THRAP3: variants seen among roughly 807,000 people sequenced by gnomAD.
THRAP3 encodes thyroid hormone receptor-associated protein 3.
In THRAP3, 16 loss-of-function variants were observed where a neutral mutation model predicts 101.0. The observed-to-expected ratio is 0.16, with a 90% CI of 0.11 to 0.24. THRAP3 has a LOEUF of 0.24. Ranked by LOEUF, THRAP3 falls within the 10% of genes least tolerant of loss-of-function variation. The probability of loss-of-function intolerance (pLI) is 1.00; values close to 1 mark genes in which losing one functional copy is unlikely to be tolerated. For missense variants in THRAP3, 989 were observed against 1,202.7 expected, an observed-to-expected ratio of 0.82 and a Z score of 2.63; for synonymous variants, 407 against 422.6, an observed-to-expected ratio of 0.96 and a Z score of 0.45.
At chr1:36,214,207 T>TC in the THRAP3 span, among the ~76,000 whole-genome samples, 1 of 152,198 alleles carries the variant, frequency 6.6e-6, no homozygotes, top group African/African-American at 2.4e-5. Context: ...GAGTTGGCTC[T>TC]CCGTAGGTGG....
At chr1:36,291,812 G>A (rs897066219) in intron 6 of THRAP3, among the ~76,000 whole-genome samples, 16 of 152,318 alleles carry the variant, frequency 1.1e-4, no homozygotes, top group African/African-American at 3.6e-4. Flanking sequence ...AAACTGAGAA[G>A]CCAATAGCAA....
At chr1:36,271,542 A>G (rs1645591541) in intron 2 of THRAP3, among the ~76,000 whole-genome samples, 1 of 150,066 alleles carries the variant, frequency 6.7e-6, no homozygotes, top group Non-Finnish European at 1.5e-5. Context: ...TGGCTTCCCA[A>G]AGTGCTGGGA....
intron 1 of THRAP3, among the ~76,000 whole-genome samples, chr1:36,236,096 A>T (rs1000371081): frequency 5.3e-5 from 8 of 151,798 alleles, no homozygotes; most frequent in Non-Finnish European, 7.4e-5. Context: ...AAAATAAAAA[A>T]AAAAAATTAG....
Position 36,293,760 on chromosome 1 carries a change from G to T in THRAP3, c.2031-91G>T, listed in dbSNP as rs1570343076. On this transcript the variant is annotated intron_variant, in intron 7 of 11. Transcript: ENST00000354618. ...TGAAACGTAAGGAAAAATAATGCCT[G>T]TGAATCTATTAGCCAACTTAAGAGC... The T allele has an allele frequency of 3.1e-5, 34 of 1,105,112 alleles. No individual in the cohort carries two copies. The South Asian group carries it at 4.3e-4, about 14-fold the overall frequency. The allele number at this position is 1,105,112 out of a possible 1,614,324, so 68.5% of individuals were successfully genotyped here.
intron 2 of THRAP3, among the ~76,000 whole-genome samples, chr1:36,273,327 C>T (rs1645613927): frequency 6.6e-6 from 1 of 152,170 alleles, no homozygotes; most frequent in South Asian, 2.1e-4. Flanking sequence ...GAACTTTTCC[C>T]ATTCTTTTAA....
intron 1 of THRAP3, among the ~76,000 whole-genome samples, chr1:36,245,700 G>T (rs1645222198): frequency 6.6e-6 from 1 of 152,056 alleles, no homozygotes. Context: ...TTTTTACTTG[G>T]CATTTGAGGC....
At position 36,226,548 on chromosome 1, in the gene THRAP3, C is replaced by T. The variant is rs113680396; in HGVS notation, c.-135+2043C>T. On this transcript the variant is annotated intron_variant, in intron 1 of 11. Coordinates refer to ENST00000354618, the MANE Select transcript of THRAP3 (RefSeq NM_005119.4). Reference sequence around the variant, plus strand: ...TGCTGGGATTACAGGCGTAAGCCACCGCGCCCGGCCACGATTTATTATTTT... The same window carrying T: ...TGCTGGGATTACAGGCGTAAGCCACTGCGCCCGGCCACGATTTATTATTTT... Among the ~76,000 whole-genome samples, 555 of 152,224 alleles carry T rather than the reference C, an allele frequency of 3.6e-3. 2 individuals carry two copies. Among genetic ancestry groups the T allele is most frequent in the Non-Finnish European group, 4.3e-3 (293 of 68,020 alleles).
chr1:36,219,720 G>A (rs1644893730), upstream of THRAP3, among the ~76,000 whole-genome samples: 1 of 151,874 alleles, frequency 6.6e-6, no homozygotes, highest in Non-Finnish European at 1.5e-5. Flanking sequence ...GTGAGCCTCC[G>A]TGCCCGGCCC....
chr1:36,261,573 G>T (rs1645446399), intron 2 of THRAP3, among the ~76,000 whole-genome samples: 1 of 152,022 alleles, frequency 6.6e-6, no homozygotes. Context: ...AGCCATTTCT[G>T]TAAGCAGTTC....
At chr1:36,275,586 CA>C (rs754150358) in intron 2 of THRAP3, among the ~76,000 whole-genome samples, 18 of 13,812 alleles carry the variant, frequency 1.3e-3, no homozygotes, top group African/African-American at 3.1e-3. Flanking sequence ...GACTCTGTCT[CA>C]AAAAAAAAAA....
chr1:36,220,972 A>AAAAAAAT (rs1285765741), upstream of THRAP3, among the ~76,000 whole-genome samples: 43 of 94,122 alleles, frequency 4.6e-4, no homozygotes, highest in African/African-American at 1.4e-3. Context: ...AAAAAAAAAA[A>AAAAAAAT]ATATATATAT....
At chr1:36,222,571 T>A (rs187990557), upstream of THRAP3, among the ~76,000 whole-genome samples, 110 of 152,100 alleles carry the variant, frequency 7.2e-4, 1 homozygote, top group East Asian at 0.013. Flanking sequence ...CACGCCCGGC[T>A]AATCTGTAGT....
At chr1:36,285,165 T>C (rs1645779567) in intron 3 of THRAP3, among the ~76,000 whole-genome samples, 1 of 152,210 alleles carries the variant, frequency 6.6e-6, no homozygotes, top group Non-Finnish European at 1.5e-5. Context: ...TGGAGTTATT[T>C]GGAAAAAACA....
chr1:36,247,376 G>A (rs1202053704), intron 1 of THRAP3, among the ~76,000 whole-genome samples: 1 of 152,004 alleles, frequency 6.6e-6, no homozygotes. Flanking sequence ...CCAGGCTGGA[G>A]TGCAGTGGCG....
intron 1 of THRAP3, among the ~76,000 whole-genome samples, chr1:36,252,989 A>G (rs1645327499): frequency 7.1e-6 from 1 of 140,742 alleles, no homozygotes; most frequent in African/African-American, 2.6e-5. Context: ...TAATGAGTAT[A>G]ATTTTTGTAG....
chr1:36,220,070 C>A (rs1052505792), upstream of THRAP3, among the ~76,000 whole-genome samples: 1 of 152,126 alleles, frequency 6.6e-6, no homozygotes, highest in Non-Finnish European at 1.5e-5. Context: ...CCTTGGCTCA[C>A]TGCAACCTTC....
intron 2 of THRAP3, among the ~76,000 whole-genome samples, chr1:36,276,924 A>G (rs1645668455): frequency 2.0e-5 from 3 of 152,164 alleles, no homozygotes; most frequent in Admixed American, 1.3e-4. Flanking sequence ...CTTGCAAGTC[A>G]TACATCCAAT....
At chr1:36,287,311 C>A in intron 4 of THRAP3, 41 bp downstream of exon 4, 1 of 1,529,926 alleles carries the variant, frequency 6.5e-7, no homozygotes, top group Non-Finnish European at 8.8e-7. Context: ...GTTTTTATCT[C>A]ACTAGCTGGC....
At chr1:36,281,550 A>T (rs866926786) in intron 2 of THRAP3, among the ~76,000 whole-genome samples, 35 of 148,684 alleles carry the variant, frequency 2.4e-4, no homozygotes, top group Non-Finnish European at 7.4e-5. Flanking sequence ...GAAAGAGCAG[A>T]GTGGTTTTTA....
Sources: allele counts gnomAD v4.1 joint callset (sites outside exome capture counted in the v4.1 genomes callset), GRCh38; gene constraint gnomAD v4.1.1; transcripts MANE v1.5; gene names NCBI Gene and HGNC (gene_info 2026-07-23, HGNC 2026-07-21).